Variants in PRR33 observed in about 807,000 individuals in gnomAD.
PRR33 encodes proline-rich protein 33.
Under a neutral mutation model 0.5 loss-of-function variants are expected in PRR33, and 1 was observed. The ratio of observed to expected loss-of-function variants is 2.18; its 90% CI spans 0.77 to 10.34. The LOEUF is 10.34. Among genes scored for constraint, PRR33 ranks in the 30% most tolerant of loss-of-function variants. The probability of loss-of-function intolerance (pLI) is 0.13; values close to 1 mark genes in which losing one functional copy is unlikely to be tolerated. For missense variants in PRR33, 552 were observed against 251.8 expected, an observed-to-expected ratio of 2.19 and a Z score of -8.07; for synonymous variants, 226 against 110.0, an observed-to-expected ratio of 2.06 and a Z score of -6.60.
At chr11:1,898,631 G>C in the PRR33 span, among the ~76,000 whole-genome samples, 4 of 152,220 alleles carry the variant, frequency 2.6e-5, no homozygotes, top group African/African-American at 4.8e-5. Flanking sequence ...GCTCCTGCCA[G>C]AGTTCTCTTT....
chr11:1,910,893 C>T, the PRR33 span, among the ~76,000 whole-genome samples: 16 of 152,190 alleles, frequency 1.1e-4, no homozygotes, highest in Non-Finnish European at 2.1e-4. Flanking sequence ...CACCTCCTCT[C>T]GCCCATTTTT....
At chr11:1,896,735 T>C (rs949891979), upstream of PRR33, among the ~76,000 whole-genome samples, 5 of 152,244 alleles carry the variant, frequency 3.3e-5, no homozygotes, top group Non-Finnish European at 5.9e-5. Context: ...AGTGAGAAAC[T>C]GTTCAGTCTT....
At chr11:1,908,715 C>A in the PRR33 span, among the ~76,000 whole-genome samples, 1 of 152,220 alleles carries the variant, frequency 6.6e-6, no homozygotes, top group East Asian at 1.9e-4. Flanking sequence ...TCTCTGGGGG[C>A]TCCTAGGAAT....
exon 1 of PRR33, chr11:1,890,283 G>A (rs1417626881): frequency 1.4e-6 from 1 of 712,434 alleles, no homozygotes; most frequent in South Asian, 1.5e-5. Context: ...AGCCTCGGCG[G>A]GGCGTGGGGC....
upstream of PRR33, among the ~76,000 whole-genome samples, chr11:1,896,596 T>C (rs1565095040): frequency 6.6e-6 from 1 of 152,220 alleles, no homozygotes; most frequent in Non-Finnish European, 1.5e-5. Flanking sequence ...GATAAGATTG[T>C]TTTCTTTTTC....
chr11:1,889,668 G>A (rs1848906584), exon 1 of PRR33: 2 of 633,164 alleles, frequency 3.2e-6, no homozygotes, highest in Admixed American at 2.7e-5. Context: ...CACTCGCTCG[G>A]CCTCAGCGGC....
At chr11:1,915,881 G>T in the PRR33 span, among the ~76,000 whole-genome samples, 1 of 150,840 alleles carries the variant, frequency 6.6e-6, no homozygotes, top group African/African-American at 2.4e-5. Context: ...TAGATGGATG[G>T]GTAGATAGAT....
At chr11:1,912,759 C>G in the PRR33 span, among the ~76,000 whole-genome samples, 1 of 152,036 alleles carries the variant, frequency 6.6e-6, no homozygotes, top group Admixed American at 6.5e-5. Context: ...CACCTGCCAC[C>G]ACGCCTGGCT....
At chr11:1,910,242 G>A in the PRR33 span, among the ~76,000 whole-genome samples, 1 of 151,986 alleles carries the variant, frequency 6.6e-6, no homozygotes. Context: ...AGATGTCACT[G>A]GGCGCCATTG....
exon 1 of PRR33, chr11:1,889,924 G>T (rs1229216109): frequency 1.1e-5 from 7 of 629,630 alleles, no homozygotes; most frequent in Middle Eastern, 2.5e-4. Context: ...GGGACCAGGG[G>T]CTGGGCCCTG....
chr11:1,895,219 G>A (rs193168584), upstream of PRR33, among the ~76,000 whole-genome samples: 6 of 151,942 alleles, frequency 3.9e-5, no homozygotes, highest in East Asian at 7.8e-4. Context: ...TGCAACCTCC[G>A]TCTCCTGGGT....
the PRR33 span, among the ~76,000 whole-genome samples, chr11:1,915,107 T>C: frequency 6.8e-6 from 1 of 147,070 alleles, no homozygotes; most frequent in East Asian, 2.0e-4. Flanking sequence ...TGTCTGTGTG[T>C]TTTGTGGGGT....
upstream of PRR33, among the ~76,000 whole-genome samples, chr11:1,894,130 A>G (rs1286082666): frequency 5.3e-4 from 21 of 39,478 alleles, no homozygotes; most frequent in African/African-American, 1.8e-3. Context: ...GTTTGTGTGT[A>G]TGTGTGTGTG....
At chr11:1,905,763 A>G in the PRR33 span, among the ~76,000 whole-genome samples, 58 of 151,480 alleles carry the variant, frequency 3.8e-4, no homozygotes, top group Admixed American at 2.4e-3. Context: ...CAGTTAAACC[A>G]TATTTCTTAC....
At chr11:1,901,952 G>A in the PRR33 span, among the ~76,000 whole-genome samples, 1 of 152,188 alleles carries the variant, frequency 6.6e-6, no homozygotes, top group African/African-American at 2.4e-5. Context: ...CACAATTATG[G>A]CCGGGCGCGG....
the PRR33 span, among the ~76,000 whole-genome samples, chr11:1,906,982 C>T: frequency 6.6e-6 from 1 of 152,208 alleles, no homozygotes; most frequent in Non-Finnish European, 1.5e-5. Context: ...TCCCGCTTCC[C>T]GCACTGAGGC....
In PRR33 at chr11:1,889,682, G is replaced by T. The variant is rs971881295; in HGVS notation, c.903C>A (p.Gly301=). ...ACACTCGCTCGGCCTCAGCGGCGGG[G>T]CCAGCCATCGGGGGCTCCTCCAGGT... The change falls in exon 1 of 1, where the codon GGC becomes GGA. Residue 301 remains glycine, a synonymous_variant. Transcript: ENST00000640310. 1.3e-5 allele frequency: 8 copies of T among 635,304 alleles called. No homozygotes were observed. In the African/African-American group the frequency reaches 1.5e-4, roughly 12 times the overall value. The allele number at this position is 635,304 out of a possible 1,614,324, so 39.4% of individuals were successfully genotyped here. A position where few individuals can be genotyped will look rare whatever the true frequency, so the allele number is the denominator to read the frequency against.
chr11:1,910,936 T>C, the PRR33 span, among the ~76,000 whole-genome samples: 5 of 152,230 alleles, frequency 3.3e-5, no homozygotes, highest in Non-Finnish European at 7.3e-5. Context: ...TCTAATGGTG[T>C]CCTACCTTCT....
chr11:1,909,569 A>G, the PRR33 span, among the ~76,000 whole-genome samples: 1 of 152,134 alleles, frequency 6.6e-6, no homozygotes, highest in Non-Finnish European at 1.5e-5. Flanking sequence ...CAAGATCATC[A>G]CTGCACTCCA....
Sources: allele counts gnomAD v4.1 joint callset (sites outside exome capture counted in the v4.1 genomes callset), GRCh38; gene constraint gnomAD v4.1.1; transcripts MANE v1.5; gene names NCBI Gene and HGNC (gene_info 2026-07-23, HGNC 2026-07-21).